The following RABGAP1L variants were observed in gnomAD, a reference collection of about 807,000 sequenced individuals.
RABGAP1L encodes rab GTPase-activating protein 1-like.
A neutral mutation model predicts 137.7 loss-of-function variants in RABGAP1L; 63 were observed. The observed-to-expected ratio is 0.46, with a 90% confidence interval of 0.37 to 0.56. The LOEUF (loss-of-function observed/expected upper bound fraction) is 0.56, where lower values mean the gene tolerates loss of function less well. RABGAP1L is among the 20% of genes least tolerant of loss of function. RABGAP1L has a pLI of 0.00. For synonymous variants in RABGAP1L, 431 were observed against 433.7 expected, an observed-to-expected ratio of 0.99 and a Z score of 0.08; for missense variants, 1,095 against 1,244.0, an observed-to-expected ratio of 0.88 and a Z score of 1.80.
intron 17 of RABGAP1L, among the ~76,000 whole-genome samples, chr1:174,741,592 G>A (rs1362161829): frequency 1.3e-5 from 2 of 151,892 alleles, no homozygotes; most frequent in Non-Finnish European, 2.9e-5. Flanking sequence ...GAACTCCTGG[G>A]TTCAAGCAAT....
At chr1:174,600,143 T>G (rs1388186867) in intron 13 of RABGAP1L, among the ~76,000 whole-genome samples, 4 of 152,164 alleles carry the variant, frequency 2.6e-5, no homozygotes, top group African/African-American at 9.7e-5. Context: ...AAACCCCTGA[T>G]AAACCCAGCA....
At chr1:174,480,766 G>A (rs577672954) in intron 13 of RABGAP1L, among the ~76,000 whole-genome samples, 1 of 152,346 alleles carries the variant, frequency 6.6e-6, no homozygotes, top group East Asian at 1.9e-4. Flanking sequence ...AGGGAAAGGG[G>A]AGAAGATGAC....
chr1:174,935,629 A>G (rs1372397070), intron 19 of RABGAP1L: 1 of 152,194 alleles, frequency 6.6e-6, no homozygotes, highest in Non-Finnish European at 1.5e-5. Flanking sequence ...TGACACTGTA[A>G]CACTTTGTAA....
intron 13 of RABGAP1L, among the ~76,000 whole-genome samples, chr1:174,410,667 G>A (rs146060088): frequency 0.013 from 2,036 of 152,216 alleles, 51 homozygotes; most frequent in African/African-American, 0.045. Flanking sequence ...ATGAATTCAG[G>A]TAATGTGATG....
At chr1:174,550,636 A>G (rs1317406562) in intron 13 of RABGAP1L, among the ~76,000 whole-genome samples, 2 of 151,906 alleles carry the variant, frequency 1.3e-5, no homozygotes, top group African/African-American at 4.8e-5. Flanking sequence ...CCTAGTTAGC[A>G]TCTGATAGAA....
At chr1:174,616,301 A>G (rs555759576) in intron 13 of RABGAP1L, among the ~76,000 whole-genome samples, 1 of 152,340 alleles carries the variant, frequency 6.6e-6, no homozygotes, top group South Asian at 2.1e-4. Flanking sequence ...TGGTTATGGT[A>G]CAAATTATTA....
At chr1:174,608,257 A>C (rs905859914) in intron 13 of RABGAP1L, among the ~76,000 whole-genome samples, 3 of 151,944 alleles carry the variant, frequency 2.0e-5, no homozygotes, top group African/African-American at 7.3e-5. Flanking sequence ...TCTTCTTTCT[A>C]TCATATGGAT....
chr1:174,271,004 C>T (rs1034384046), intron 7 of RABGAP1L, among the ~76,000 whole-genome samples: 1 of 152,026 alleles, frequency 6.6e-6, no homozygotes, highest in Non-Finnish European at 1.5e-5. Flanking sequence ...AGAAATAGTA[C>T]AGTGAATTGC....
Position 174,258,365 on chromosome 1 carries a change from T to C in RABGAP1L, c.986+5775T>C, listed in dbSNP as rs538411691. Among the ~76,000 whole-genome samples, 161 of 152,216 alleles carry C rather than the reference T, an allele frequency of 1.1e-3. 1 individual carries two copies. The highest frequency in any genetic ancestry group is 3.1e-3 in the Admixed American group (47 of 15,292). ...AGTGGTGTGATCATGGCTTACTACATCTTTCATTGCCTAGGCTCAAGCGAT... is the reference window on the plus strand; with the variant it reads ...AGTGGTGTGATCATGGCTTACTACACCTTTCATTGCCTAGGCTCAAGCGAT... On this transcript the variant is annotated intron_variant, in intron 7 of 25. Transcript: ENST00000681986.
At position 174,566,781 on chromosome 1, in the gene RABGAP1L, A is replaced by G. The variant is rs191702736; in HGVS notation, c.1711-70594A>G. Among the ~76,000 whole-genome samples the G allele has an allele frequency of 2.8e-3, 426 of 152,262 alleles. 4 individuals carry two copies. Among genetic ancestry groups the G allele is most frequent in the African/African-American group, 9.7e-3 (403 of 41,558 alleles). The stretch of plus-strand genomic sequence containing the variant: ...GCACTATTGATCATGTTGGGAAAGC[A>G]AGGCCTGGTTAGTGGATTTATTGTT... On this transcript the variant is annotated intron_variant, in intron 13 of 25. Coordinates refer to ENST00000681986, the MANE Select transcript of RABGAP1L (RefSeq NM_001366446.1).
At chr1:174,463,744 G>A (rs12092768) in intron 13 of RABGAP1L, among the ~76,000 whole-genome samples, 58,803 of 151,716 alleles carry the variant, frequency 0.39, 14,314 homozygotes, top group African/African-American at 0.69. Flanking sequence ...CATTAGAGAA[G>A]TGCAAATCAA....
chr1:174,833,808 A>G (rs1025095777), intron 19 of RABGAP1L, among the ~76,000 whole-genome samples: 2 of 152,118 alleles, frequency 1.3e-5, no homozygotes, highest in Admixed American at 6.5e-5. Context: ...GTTGTGATAA[A>G]TGTTACAAAA....
intron 18 of RABGAP1L, among the ~76,000 whole-genome samples, chr1:174,788,651 A>G (rs776177609): frequency 6.6e-6 from 1 of 152,026 alleles, no homozygotes; most frequent in African/African-American, 2.4e-5. Context: ...TCCAGTACCC[A>G]TCTTTTTGGA....
At chr1:174,163,815 A>G (rs1664701761) in intron 1 of RABGAP1L, among the ~76,000 whole-genome samples, 1 of 152,124 alleles carries the variant, frequency 6.6e-6, no homozygotes, top group South Asian at 2.1e-4. Flanking sequence ...ATGAAGCCTA[A>G]CAACTGTTTG....
chr1:174,182,261 G>A (rs1312544767), intron 1 of RABGAP1L, among the ~76,000 whole-genome samples: 1 of 152,200 alleles, frequency 6.6e-6, no homozygotes, highest in East Asian at 1.9e-4. Context: ...TATGCATTAA[G>A]GAGATGAAGC....
intron 13 of RABGAP1L, among the ~76,000 whole-genome samples, chr1:174,566,255 G>A (rs1292213757): frequency 2.0e-5 from 3 of 152,162 alleles, no homozygotes; most frequent in Non-Finnish European, 4.4e-5. Flanking sequence ...AGGGGTGGGA[G>A]ACGGAGAAAG....
intron 13 of RABGAP1L, among the ~76,000 whole-genome samples, chr1:174,515,885 A>T (rs1262464392): frequency 6.7e-6 from 1 of 148,298 alleles, no homozygotes; most frequent in African/African-American, 2.6e-5. Flanking sequence ...CTCTATCTTA[A>T]GTTGGGTCCT....
intron 21 of RABGAP1L, among the ~76,000 whole-genome samples, chr1:174,972,853 CAAAAAAAAAA>C (rs373159573): frequency 1.9e-5 from 1 of 52,824 alleles, no homozygotes; most frequent in Non-Finnish European, 3.5e-5. Flanking sequence ...GACTCTGTCT[CAAAAAAAAAA>C]AAAAAAAAAA....
rs71117578 is a variant in RABGAP1L, at chr1:174,833,368, TTGTGTGTG to T, written c.2340+21434_2340+21441del. Among the ~76,000 whole-genome samples, 213 of 108,512 alleles carry T rather than the reference TTGTGTGTG, an allele frequency of 2.0e-3. 3 individuals are homozygous for T. The highest frequency in any genetic ancestry group is 6.4e-3 in the African/African-American group (203 of 31,552). 71.2% of individuals were successfully genotyped at this position (108,512 alleles called of 152,430 possible). On this transcript the variant is annotated intron_variant, in intron 19 of 25. Transcript: ENST00000681986. The stretch of plus-strand genomic sequence containing the variant: ...GCGCATGCCACCACAACCAGCTAAT[TTGTGTGTG>T]TGTGTGTGTGTGTGTGTGTGTGTGT...
Sources: gnomAD v4.1 joint callset for allele counts (sites outside exome capture counted in the v4.1 genomes callset) on GRCh38, gnomAD v4.1.1 for gene constraint, MANE v1.5 for transcripts, NCBI Gene and HGNC (gene_info 2026-07-23, HGNC 2026-07-21) for gene names.